DST: variants seen among roughly 807,000 people sequenced by gnomAD.
DST encodes dystonin.
DST carries 253 observed loss-of-function variants against 875.2 expected under a neutral mutation model. That is an observed-to-expected ratio of 0.29 (90% CI 0.26 to 0.32). DST has a LOEUF of 0.32. Ranked by LOEUF, DST falls within the 10% of genes least tolerant of loss-of-function variation. DST has a pLI of 1.00. For synonymous variants in DST, 3,124 were observed against 3,197.1 expected (o/e 0.98, Z 0.77); for missense variants, 8,287 against 9,111.6 (o/e 0.91, Z 3.68).
At chr6:56,496,677 T>C (rs1162751364) in intron 82 of DST, among the ~76,000 whole-genome samples, 1 of 152,094 alleles carries the variant, frequency 6.6e-6, no homozygotes, top group Non-Finnish European at 1.5e-5. Context: ...GGAAGGTTTG[T>C]GTCTAAAAAG....
intron 49 of DST, among the ~76,000 whole-genome samples, chr6:56,586,986 C>G (rs923571015): frequency 1.3e-5 from 2 of 152,138 alleles, no homozygotes; most frequent in Admixed American, 6.5e-5. Context: ...AAACTGGAAA[C>G]TCTAAAAAGT....
chr6:56,820,055 A>T (rs2099771245), intron 4 of DST, among the ~76,000 whole-genome samples: 1 of 152,232 alleles, frequency 6.6e-6, no homozygotes, highest in African/African-American at 2.4e-5. Flanking sequence ...TGTAACCTCA[A>T]CAGGCAGTAT....
chr6:56,544,429 G>A (rs2097189278), intron 61 of DST, among the ~76,000 whole-genome samples: 1 of 152,150 alleles, frequency 6.6e-6, no homozygotes, highest in Non-Finnish European at 1.5e-5. Context: ...CTTATGAAAA[G>A]CTAAGAGGAG....
chr6:56,785,467 G>T (rs922796250), intron 4 of DST, among the ~76,000 whole-genome samples: 2 of 152,154 alleles, frequency 1.3e-5, no homozygotes, highest in Non-Finnish European at 2.9e-5. Flanking sequence ...ATCTCAGACT[G>T]CTGTGCTAGC....
intron 90 of DST, among the ~76,000 whole-genome samples, chr6:56,479,724 T>C (rs969188975): frequency 6.6e-6 from 1 of 152,042 alleles, no homozygotes; most frequent in African/African-American, 2.4e-5. Flanking sequence ...AGCCAAACAA[T>C]GGGCGCACAT....
intron 4 of DST, among the ~76,000 whole-genome samples, chr6:56,769,015 C>T (rs1289205880): frequency 6.6e-6 from 1 of 151,926 alleles, no homozygotes; most frequent in African/African-American, 2.4e-5. Context: ...GACTCCATCG[C>T]AATATACACA....
chr6:56,527,265 T>A (rs2096820331), intron 68 of DST, among the ~76,000 whole-genome samples: 1 of 152,148 alleles, frequency 6.6e-6, no homozygotes. Context: ...GGTAATAAAC[T>A]ATACTCCCAA....
At position 56,546,380 on chromosome 6, in the gene DST, ATATATATAT is replaced by A. The variant is rs1562695776; in HGVS notation, c.16608+5795_16608+5803del. ...TATATATATATATATATATATATAT[ATATATATAT>A]AAATGTCAAAAAGTTCATTTAAAGA... is the stretch of plus-strand genomic sequence containing the variant. On this transcript the variant is annotated intron_variant, in intron 61 of 103. Transcript: ENST00000680361. 4.3e-3 allele frequency among the ~76,000 whole-genome samples: 588 copies of A among 135,508 alleles called. 21 individuals are homozygous for A. In the East Asian group the frequency reaches 0.091, roughly 21 times the overall value. 88.9% of individuals were successfully genotyped at this position (135,508 alleles called of 152,430 possible). A position where few individuals can be genotyped will look rare whatever the true frequency, so the allele number is the denominator to read the frequency against.
chr6:56,517,749 T>A, intron 69 of DST, 129 bp from the exon 70 acceptor site: 4 of 1,117,770 alleles, frequency 3.6e-6, no homozygotes, highest in Non-Finnish European at 4.9e-6. Context: ...CATGGCATCC[T>A]AAAATAATTC....
chr6:56,952,571 T>G (rs1230988729), intron 2 of DST, among the ~76,000 whole-genome samples: 1 of 152,236 alleles, frequency 6.6e-6, no homozygotes, highest in Non-Finnish European at 1.5e-5. Flanking sequence ...TTATCGTTTA[T>G]TTTTATACAT....
intron 5 of DST, among the ~76,000 whole-genome samples, chr6:56,726,058 C>T (rs1405402046): frequency 6.6e-6 from 1 of 152,172 alleles, no homozygotes; most frequent in Non-Finnish European, 1.5e-5. Context: ...AATTTCAACA[C>T]TTTTGGAAAT....
chr6:56,514,586 C>CAA (rs1441513936), intron 72 of DST, among the ~76,000 whole-genome samples: 3 of 108,264 alleles, frequency 2.8e-5, no homozygotes, highest in Non-Finnish European at 4.0e-5. Context: ...TATACACACA[C>CAA]ACACACACAC....
intron 10 of DST, among the ~76,000 whole-genome samples, chr6:56,664,809 G>C (rs2099064069): frequency 1.3e-5 from 2 of 152,066 alleles, no homozygotes; most frequent in Non-Finnish European, 2.9e-5. Flanking sequence ...TATACAAACA[G>C]AACAAGCAGA....
chr6:56,642,433 G>A lies in DST; in HGVS notation c.1849C>T (p.Leu617Phe), dbSNP rs2152781475. The A allele has an allele frequency of 1.9e-6, 3 of 1,613,068 alleles. No homozygotes were observed. Among genetic ancestry groups the A allele is most frequent in the Non-Finnish European group, 2.5e-6 (3 of 1,179,040 alleles). The change falls in exon 16 of 104, where the codon CTT (leucine) becomes TTT (phenylalanine). Residue 617 changes from leucine (L) to phenylalanine (F), a missense_variant. Physicochemically the swap from Leu to Phe is conservative, Grantham distance 22 (BLOSUM62 0). This residue lies in a region of DST where 1,160 missense variants were observed against 1,424.3 expected (regional missense o/e 0.81). Transcript: ENST00000680361. ...DSVICEDKLI[L>F]AGNALQSDSK... ...ACAGACTGAAGAGCATTTCCAGCAA[G>A]AATCAGTTTGTCTTCACAGATGACA...
chr6:56,738,712 C>T (rs993479675), intron 4 of DST, among the ~76,000 whole-genome samples: 3 of 151,844 alleles, frequency 2.0e-5, no homozygotes, highest in Non-Finnish European at 2.9e-5. Flanking sequence ...ACCTCCACGT[C>T]CCTGGACTCA....
At chr6:56,784,742 A>G (rs866457919) in intron 4 of DST, among the ~76,000 whole-genome samples, 50 of 152,340 alleles carry the variant, frequency 3.3e-4, no homozygotes, top group Admixed American at 6.5e-4. Context: ...GTCATTCTCC[A>G]TCCAGCTTTG....
intron 3 of DST, chr6:56,871,875 T>C: frequency 4.2e-6 from 1 of 235,746 alleles, no homozygotes; most frequent in South Asian, 6.4e-5. Flanking sequence ...AGATTGCATG[T>C]ATTCAACTGG....
chr6:56,514,634 C>A (rs2096555335), intron 72 of DST, among the ~76,000 whole-genome samples: 1 of 148,836 alleles, frequency 6.7e-6, no homozygotes, highest in Non-Finnish European at 1.5e-5. Flanking sequence ...CATACACACA[C>A]ACATGCACAC....
rs1270947260 is a variant in DST at position 56,606,169 on chromosome 6, C to CT, written c.8458dup (p.Arg2820LysfsTer3). On this transcript the variant is annotated frameshift_variant, in exon 40 of 104. Transcript: ENST00000680361. LOFTEE classifies it high-confidence loss of function. The stretch of plus-strand genomic sequence containing the variant: ...GCACCTGGGCTTTCCATTCTCATCT[C>CT]TTATACCTCCTCCTTCTTCATCAAT... 2 of 1,599,314 alleles carry CT rather than the reference C, an allele frequency of 1.3e-6. No individual in the cohort carries two copies. The highest frequency in any genetic ancestry group is 2.2e-5 in the South Asian group (2 of 89,820).
Sources: allele counts gnomAD v4.1 joint callset (sites outside exome capture counted in the v4.1 genomes callset), GRCh38; gene constraint gnomAD v4.1.1; regional missense constraint gnomAD v4.1.1; transcripts MANE v1.5; gene names NCBI Gene and HGNC (gene_info 2026-07-23, HGNC 2026-07-21).